CIT: variants seen among roughly 807,000 people sequenced by gnomAD.
CIT encodes citron rho-interacting serine/threonine kinase, also known as citron Rho-interacting kinase.
A neutral mutation model predicts 272.7 loss-of-function variants in CIT; 79 were observed. That is an observed-to-expected ratio of 0.29 (90% CI 0.24 to 0.35). The LOEUF (loss-of-function observed/expected upper bound fraction) is 0.35, where lower values mean the gene tolerates loss of function less well. CIT is among the 10% of genes least tolerant of loss of function. CIT has a pLI of 1.00. For missense variants in CIT, 1,909 were observed against 2,618.3 expected (o/e 0.73, Z 5.91); for synonymous variants, 948 against 995.6 (o/e 0.95, Z 0.90).
intron 10 of CIT, among the ~76,000 whole-genome samples, chr12:119,799,493 A>G (rs1467945093): frequency 2.0e-5 from 3 of 152,194 alleles, no homozygotes; most frequent in Non-Finnish European, 4.4e-5. Flanking sequence ...TCCTTCCTCC[A>G]TGGTGTTTGA....
chr12:119,857,545 T>C lies in CIT; in HGVS notation c.392A>G (p.Lys131Arg). 6.2e-7 allele frequency: 1 copy of C among 1,614,196 alleles called. No homozygotes were observed. The highest frequency in any genetic ancestry group is 2.2e-5 in the East Asian group (1 of 44,884). The change falls in exon 4 of 48, where the codon AAG becomes AGG. Residue 131 changes from lysine (K) to arginine (R), a missense_variant. This residue lies in a region of CIT where 529 missense variants were observed against 549.6 expected (regional missense o/e 0.96). Coordinates refer to ENST00000392521, the MANE Select transcript of CIT (RefSeq NM_001206999.2). ...DIYAMKVMKKKALLAQEQVSF... is the reference protein window; with the variant it reads ...DIYAMKVMKKRALLAQEQVSF... Reference sequence around the variant, plus strand: ...TACCTGCTCCTGGGCCAATAAAGCCTTCTTCTTCATCACTTTCATAGCATA... The same window carrying C: ...TACCTGCTCCTGGGCCAATAAAGCCCTCTTCTTCATCACTTTCATAGCATA...
At position 119,742,481 on chromosome 12, in the gene CIT, T is replaced by C. The variant is rs770441372; in HGVS notation, c.2905-17A>G. 2.3e-5 allele frequency: 37 copies of C among 1,597,652 alleles called. No homozygotes were observed. The East Asian group carries it at 8.1e-4, about 35-fold the overall frequency. ...TCTATGTGCCTAAAAGGTAAGAAGT[T>C]GATTATAAATTTTTCATAGGGTAGA... On this transcript the variant is annotated splice_polypyrimidine_tract_variant and intron_variant, in intron 23 of 47. Transcript: ENST00000392521.
chr12:119,831,361 C>G (rs545641511), intron 7 of CIT, among the ~76,000 whole-genome samples: 6 of 151,846 alleles, frequency 4.0e-5, no homozygotes, highest in African/African-American at 1.4e-4. Context: ...AGAAAATAAC[C>G]TGAAAAAAAG....
intron 46 of CIT, among the ~76,000 whole-genome samples, chr12:119,696,815 C>A (rs1183574462): frequency 1.3e-5 from 2 of 152,186 alleles, no homozygotes; most frequent in Non-Finnish European, 2.9e-5. Context: ...GTGTGAGCCA[C>A]CGCACCACCT....
intron 10 of CIT, among the ~76,000 whole-genome samples, chr12:119,798,876 G>A (rs543406707): frequency 2.6e-5 from 4 of 152,326 alleles, no homozygotes; most frequent in East Asian, 3.9e-4. Context: ...TCCCAAAGAT[G>A]TCCAATTTGT....
At chr12:119,717,073 A>G (rs1957531055) in intron 32 of CIT, among the ~76,000 whole-genome samples, 1 of 152,186 alleles carries the variant, frequency 6.6e-6, no homozygotes, top group Non-Finnish European at 1.5e-5. Context: ...TGTTTTTGAG[A>G]CAGAGTTTCA....
chr12:119,821,781 G>T (rs551339393), intron 9 of CIT, among the ~76,000 whole-genome samples: 8 of 152,220 alleles, frequency 5.3e-5, no homozygotes, highest in Non-Finnish European at 1.0e-4. Flanking sequence ...GAACCTTGGA[G>T]ATTTGGGGGG....
chr12:119,798,606 T>C (rs1027797514), intron 10 of CIT, among the ~76,000 whole-genome samples: 1 of 152,176 alleles, frequency 6.6e-6, no homozygotes, highest in Admixed American at 6.5e-5. Flanking sequence ...TCTCCACTGA[T>C]CCAAATCCAC....
At position 119,713,346 on chromosome 12, in the gene CIT, C is replaced by A. The variant is rs534311845; in HGVS notation, c.4488-52G>T. The A allele has an allele frequency of 7.5e-6, 12 of 1,593,222 alleles. No homozygotes were observed. The Admixed American group carries it at 2.0e-4, about 27-fold the overall frequency. ...AATGTCTGAACTCAGAAGAAACATC[C>A]GGCTGGAGGATAGGATGAGGGGGTG... On this transcript the variant is annotated intron_variant, in intron 34 of 47. Transcript: ENST00000392521. The surrounding 1 kb of genome is among the most constrained non-coding windows in gnomAD (Gnocchi z 5.2).
chr12:119,861,013 C>A (rs972541333), intron 3 of CIT, among the ~76,000 whole-genome samples: 2 of 151,276 alleles, frequency 1.3e-5, no homozygotes, highest in Admixed American at 1.3e-4. Flanking sequence ...CCCAGCTACT[C>A]GGGAGGCTGA....
At chr12:119,871,138 C>A (rs976971836) in intron 2 of CIT, among the ~76,000 whole-genome samples, 1 of 146,646 alleles carries the variant, frequency 6.8e-6, no homozygotes. Context: ...AAAAAAGTTA[C>A]GAGTCCTGGG....
Position 119,740,427 on chromosome 12 carries a change from T to C in CIT, c.2958+1984A>G, listed in dbSNP as rs527550965. Among the ~76,000 whole-genome samples the C allele has an allele frequency of 3.9e-5, 6 of 152,324 alleles. No homozygotes were observed. In the East Asian group the frequency reaches 1.2e-3, roughly 29 times the overall value. On this transcript the variant is annotated intron_variant, in intron 24 of 47. Transcript: ENST00000392521. ...GGATAAAATTTGGATAACCTTATTA[T>C]CCAAAATAATAACAAAATTCATTAT... is the stretch of plus-strand genomic sequence containing the variant.
chr12:119,860,145 T>C (rs541321606), intron 3 of CIT, among the ~76,000 whole-genome samples: 16 of 152,252 alleles, frequency 1.1e-4, no homozygotes, highest in Admixed American at 7.8e-4. Context: ...TTGCCCACCC[T>C]GTTCCTTTGT....
intron 23 of CIT, among the ~76,000 whole-genome samples, chr12:119,746,264 G>A (rs1427771889): frequency 2.0e-5 from 3 of 152,162 alleles, no homozygotes; most frequent in Non-Finnish European, 4.4e-5. Context: ...AATTTCCAGA[G>A]TATCCAGTCT....
At chr12:119,859,937 C>A (rs1236114312) in intron 3 of CIT, among the ~76,000 whole-genome samples, 1 of 152,186 alleles carries the variant, frequency 6.6e-6, no homozygotes, top group Non-Finnish European at 1.5e-5. Flanking sequence ...CCACCTCATT[C>A]TCCAGAGTAG....
chr12:119,730,776 T>C (rs1565953319), intron 26 of CIT, 146 bp from the exon 27 acceptor site: 1 of 828,930 alleles, frequency 1.2e-6, no homozygotes, highest in South Asian at 2.0e-5. Flanking sequence ...TTCCAAACTG[T>C]CTTCCTTTCC....
At position 119,834,103 on chromosome 12, in the gene CIT, C is replaced by G; in HGVS notation, c.642G>C (p.Leu214=). ...ELILAVHSVH[L]MGYVHRDIKP... is the part of the protein sequence containing the mutation. ...TCACTTACCGATGCACGTATCCCAT[C>G]AGATGAACGCTGTGAACAGCCAAAA... The change falls in exon 6 of 48, where the codon CTG becomes CTC. Residue 214 remains leucine, a synonymous_variant. Coordinates refer to ENST00000392521, the MANE Select transcript of CIT (RefSeq NM_001206999.2). 2 of 1,612,480 alleles carry G rather than the reference C, an allele frequency of 1.2e-6. No individual in the cohort carries two copies. Among genetic ancestry groups the G allele is most frequent in the South Asian group, 2.2e-5 (2 of 90,668 alleles).
At chr12:119,814,864 C>T (rs536741124) in intron 9 of CIT, among the ~76,000 whole-genome samples, 1 of 151,964 alleles carries the variant, frequency 6.6e-6, no homozygotes, top group East Asian at 1.9e-4. Flanking sequence ...CGGTGAAACC[C>T]GTCTCTACTA....
intron 20 of CIT, among the ~76,000 whole-genome samples, chr12:119,759,244 C>T (rs970634125): frequency 1.3e-5 from 2 of 152,208 alleles, no homozygotes; most frequent in Admixed American, 6.5e-5. Flanking sequence ...AGCATTACTG[C>T]CTGAGCTCTA....
Sources: gnomAD v4.1 joint callset for allele counts (sites outside exome capture counted in the v4.1 genomes callset) on GRCh38, gnomAD v4.1.1 for gene constraint, gnomAD v4.1.1 regional missense constraint, Gnocchi (gnomAD v3.1) non-coding constraint, MANE v1.5 for transcripts, NCBI Gene and HGNC (gene_info 2026-07-23, HGNC 2026-07-21) for gene names.